The following SIMC1 variants were observed in gnomAD, a reference collection of about 807,000 sequenced individuals.
SIMC1 encodes SUMO-interacting motif-containing protein 1.
In SIMC1, 55 loss-of-function variants were observed where a neutral mutation model predicts 82.3. The observed-to-expected ratio is 0.67, with a 90% confidence interval of 0.54 to 0.84. The LOEUF is 0.84. Ranked by LOEUF, SIMC1 falls within the 40% of genes least tolerant of loss-of-function variation. The pLI, the probability that SIMC1 is intolerant of heterozygous loss-of-function variation, is 0.00. For missense variants in SIMC1, 915 were observed against 1,107.2 expected, an observed-to-expected ratio of 0.83 and a Z score of 2.46; for synonymous variants, 353 against 426.3, an observed-to-expected ratio of 0.83 and a Z score of 2.12.
chr5:176,285,437 G>A lies in SIMC1; in HGVS notation c.130-4217G>A, dbSNP rs1255812156. ...AAAAGGCCTTTGACAAAATTCAACA[G>A]CACTTCATGCTAAAAACTCTCAATA... On this transcript the variant is annotated intron_variant, in intron 1 of 9. Coordinates refer to ENST00000429602, the MANE Select transcript of SIMC1 (RefSeq NM_001308195.2). Among the ~76,000 whole-genome samples, 8 of 151,630 alleles carry A rather than the reference G, an allele frequency of 5.3e-5. No individual in the cohort carries two copies. The South Asian group carries it at 8.4e-4, about 16-fold the overall frequency.
intron 7 of SIMC1, among the ~76,000 whole-genome samples, chr5:176,328,459 T>G (rs910325458): frequency 1.3e-5 from 2 of 151,976 alleles, no homozygotes; most frequent in Non-Finnish European, 2.9e-5. Flanking sequence ...TGGTAAACAC[T>G]TCCCTGAGTA....
In SIMC1 at chr5:176,290,082, C is replaced by G. The variant is rs775912485; in HGVS notation, c.558C>G (p.Ser186=). The G allele has an allele frequency of 6.2e-7, 1 of 1,607,680 alleles. No homozygotes were observed. The highest frequency in any genetic ancestry group is 8.5e-7 in the Non-Finnish European group (1 of 1,176,978). The part of the protein sequence containing the change: ...LQLSSDVSSL[S]PTSNNSRSSS... ...TGTCTTCAGATGTTAGCTCCCTCTC[C>G]CCAACAAGCAATAATAGTAGGAGCA... The change falls in exon 2 of 10, where the codon TCC becomes TCG. Residue 186 remains serine, a synonymous_variant. Coordinates refer to ENST00000429602, the MANE Select transcript of SIMC1 (RefSeq NM_001308195.2).
chr5:176,299,015 AAGAC>A (rs1205215038), intron 4 of SIMC1, among the ~76,000 whole-genome samples: 2 of 152,252 alleles, frequency 1.3e-5, no homozygotes, highest in African/African-American at 4.8e-5. Context: ...CCCCAATTAA[AAGAC>A]AGAGATTAGC....
chr5:176,245,923 TG>T (rs1315468553), intron 1 of SIMC1, among the ~76,000 whole-genome samples: 3 of 152,010 alleles, frequency 2.0e-5, no homozygotes, highest in African/African-American at 2.4e-5. Flanking sequence ...TGTAAGGTTG[TG>T]GTTTTTGCAG....
intron 4 of SIMC1, among the ~76,000 whole-genome samples, chr5:176,304,076 T>C (rs1450699712): frequency 1.3e-5 from 2 of 152,174 alleles, no homozygotes; most frequent in Admixed American, 1.3e-4. Context: ...ACTTCAGAAC[T>C]TCTGTGCATC....
intron 1 of SIMC1, among the ~76,000 whole-genome samples, chr5:176,246,775 A>G (rs769362959): frequency 1.9e-4 from 28 of 151,274 alleles, no homozygotes; most frequent in Admixed American, 5.9e-4. Context: ...CCACCCCCCA[A>G]CAGGCCCGGG....
intron 1 of SIMC1, among the ~76,000 whole-genome samples, chr5:176,259,820 T>C (rs1423167111): frequency 3.3e-5 from 5 of 151,846 alleles, no homozygotes; most frequent in South Asian, 4.2e-4. Context: ...GAAATTCTTA[T>C]GTAAGAACCT....
At chr5:176,246,450 T>TGTG (rs1761450272) in intron 1 of SIMC1, among the ~76,000 whole-genome samples, 1 of 109,554 alleles carries the variant, frequency 9.1e-6, no homozygotes, top group African/African-American at 3.8e-5. Flanking sequence ...GTGTGTGTGT[T>TGTG]GTTTGTTTGT....
intron 5 of SIMC1, among the ~76,000 whole-genome samples, chr5:176,320,336 TTTATTTATTTATTTA>T (rs1765105254): frequency 5.6e-4 from 6 of 10,798 alleles, no homozygotes; most frequent in Admixed American, 4.0e-3. Flanking sequence ...TCCTATTTTA[TTTATTTATTTATTTA>T]TTTATTTATT....
Position 176,345,200 on chromosome 5 carries a change from G to T in SIMC1, c.2431G>T (p.Val811Leu), listed in dbSNP as rs750271869. Residue 811 changes from valine to leucine, a missense_variant, in exon 10 of 10, where the codon GTG (valine) becomes TTG (leucine). By Grantham distance (32) the Val-to-Leu change is conservative. This residue lies in a region of SIMC1 where 902 missense variants were observed against 1,040.3 expected (regional missense o/e 0.87). Coordinates refer to ENST00000429602, the MANE Select transcript of SIMC1 (RefSeq NM_001308195.2). ...HVLREHLRSSVIDRKDLIIKR... is the reference protein window; with the variant it reads ...HVLREHLRSSLIDRKDLIIKR... ...TCTTGCAGAACACTTAAGGAGTTCCGTGATCGACCGAAAGGACTTAATAAT... is the reference window on the plus strand; with the variant it reads ...TCTTGCAGAACACTTAAGGAGTTCCTTGATCGACCGAAAGGACTTAATAAT... The T allele has an allele frequency of 6.2e-7, 1 of 1,613,832 alleles. No homozygotes were observed. Among genetic ancestry groups the T allele is most frequent in the South Asian group, 1.1e-5 (1 of 91,062 alleles).
At chr5:176,305,721 CCCGCCCGG>C (rs1764320568) in intron 4 of SIMC1, among the ~76,000 whole-genome samples, 2 of 82,696 alleles carry the variant, frequency 2.4e-5, no homozygotes, top group Admixed American at 1.1e-4. Flanking sequence ...GGGTCAGCCC[CCCGCCCGG>C]CCAGCCGCCC....
Position 176,252,721 on chromosome 5 carries a change from C to T in SIMC1, c.129+14084C>T, listed in dbSNP as rs1761717077. On this transcript the variant is annotated intron_variant, in intron 1 of 9. Coordinates refer to ENST00000429602, the MANE Select transcript of SIMC1 (RefSeq NM_001308195.2). ...TGGGCGGCCAGGCAGAGACGCTCCT[C>T]ACTTCCCAGATGGGGTGGCGGCCGG... is the stretch of plus-strand genomic sequence containing the variant. 3.3e-5 allele frequency among the ~76,000 whole-genome samples: 5 copies of T among 152,188 alleles called. No homozygotes were observed. The South Asian group carries it at 1.0e-3, about 32-fold the overall frequency.
At chr5:176,263,751 G>A (rs1275723191) in intron 1 of SIMC1, among the ~76,000 whole-genome samples, 5 of 152,058 alleles carry the variant, frequency 3.3e-5, no homozygotes, top group Non-Finnish European at 7.3e-5. Flanking sequence ...TTCTCACATT[G>A]CAAAATATAA....
intron 4 of SIMC1, among the ~76,000 whole-genome samples, chr5:176,298,251 TTGG>T (rs2113289899): frequency 6.6e-6 from 1 of 152,324 alleles, no homozygotes; most frequent in African/African-American, 2.4e-5. Flanking sequence ...CTCCCATACC[TTGG>T]CTCTTCCCTT....
At chr5:176,299,598 T>C (rs1237834355) in intron 4 of SIMC1, among the ~76,000 whole-genome samples, 1 of 152,166 alleles carries the variant, frequency 6.6e-6, no homozygotes, top group East Asian at 1.9e-4. Context: ...ATTACAAATA[T>C]ATATGCACTA....
intron 4 of SIMC1, among the ~76,000 whole-genome samples, chr5:176,302,181 G>A (rs1764069128): frequency 6.6e-6 from 1 of 152,038 alleles, no homozygotes; most frequent in South Asian, 2.1e-4. Context: ...ATCTCAGTTG[G>A]TTGAATCCAT....
rs547141513 is a variant in SIMC1 at position 176,315,760 on chromosome 5, C to G, written c.1889+1915C>G. Among the ~76,000 whole-genome samples the G allele has an allele frequency of 5.3e-5, 8 of 152,236 alleles. No homozygotes were observed. In the East Asian group the frequency reaches 9.6e-4, roughly 18 times the overall value. On this transcript the variant is annotated intron_variant, in intron 5 of 9. Transcript: ENST00000429602. ...TTTTCCCACCCCCTTAGTTTACATG[C>G]CCATATTTATTTCCCTATATGTGAT...
intron 1 of SIMC1, among the ~76,000 whole-genome samples, chr5:176,247,741 G>GT (rs534583584): frequency 0.73 from 110,090 of 150,368 alleles, 40,586 homozygotes; most frequent in Middle Eastern, 0.84. Flanking sequence ...ATGGTTTTAG[G>GT]TTTACATTTA....
At chr5:176,321,420 C>T (rs1347177548) in intron 5 of SIMC1, among the ~76,000 whole-genome samples, 1 of 150,364 alleles carries the variant, frequency 6.7e-6, no homozygotes, top group Non-Finnish European at 1.5e-5. Context: ...TCCAGCCTGG[C>T]GACAGAGCGA....
Sources: gnomAD v4.1 joint callset for allele counts (sites outside exome capture counted in the v4.1 genomes callset) on GRCh38, gnomAD v4.1.1 for gene constraint, gnomAD v4.1.1 regional missense constraint, MANE v1.5 for transcripts, NCBI Gene and HGNC (gene_info 2026-07-23, HGNC 2026-07-21) for gene names.